TMTC2: variants seen among roughly 807,000 people sequenced by gnomAD.
TMTC2 encodes transmembrane O-mannosyltransferase targeting cadherins 2.
A neutral mutation model predicts 82.4 loss-of-function variants in TMTC2; 43 were observed. That is an observed-to-expected ratio of 0.52 (90% CI 0.41 to 0.67). TMTC2 has a LOEUF of 0.67. Ranked by LOEUF, TMTC2 falls within the 30% of genes least tolerant of loss-of-function variation. TMTC2 has a pLI of 0.00. For missense variants in TMTC2, 919 were observed against 1,012.4 expected (o/e 0.91, Z 1.25); for synonymous variants, 408 against 381.9 (o/e 1.07, Z -0.80).
At chr12:82,889,258 CAG>C (rs1873270661) in intron 2 of TMTC2, among the ~76,000 whole-genome samples, 2 of 141,988 alleles carry the variant, frequency 1.4e-5, no homozygotes, top group South Asian at 2.2e-4. Flanking sequence ...GCCTGGGAGA[CAG>C]AGTCTCCAAA....
At chr12:82,695,886 A>G (rs895299863) in intron 1 of TMTC2, among the ~76,000 whole-genome samples, 1 of 152,186 alleles carries the variant, frequency 6.6e-6, no homozygotes, top group African/African-American at 2.4e-5. Flanking sequence ...CCTCTGGGAC[A>G]TTTCTCATGG....
At chr12:82,928,395 T>C (rs1432996276) in intron 3 of TMTC2, among the ~76,000 whole-genome samples, 1 of 152,216 alleles carries the variant, frequency 6.6e-6, no homozygotes, top group Non-Finnish European at 1.5e-5. Flanking sequence ...GTGGTAGATA[T>C]AGAATACCTA....
intron 8 of TMTC2, among the ~76,000 whole-genome samples, chr12:83,001,592 G>C (rs1879925077): frequency 6.8e-6 from 1 of 146,418 alleles, no homozygotes; most frequent in African/African-American, 2.6e-5. Context: ...CCGAGATCAT[G>C]CCATTGCACT....
chr12:82,826,898 T>G (rs1411480513), intron 1 of TMTC2, among the ~76,000 whole-genome samples: 3 of 152,206 alleles, frequency 2.0e-5, no homozygotes, highest in South Asian at 4.1e-4. Flanking sequence ...CTCTGAAAAT[T>G]TACTTATTAG....
At chr12:82,789,317 G>A (rs1453920172) in intron 1 of TMTC2, among the ~76,000 whole-genome samples, 3 of 152,116 alleles carry the variant, frequency 2.0e-5, no homozygotes, top group Non-Finnish European at 4.4e-5. Flanking sequence ...GTCTAATTGT[G>A]TGTATGCTGA....
intron 7 of TMTC2, among the ~76,000 whole-genome samples, chr12:82,971,501 C>G (rs1051786568): frequency 4.0e-5 from 6 of 151,846 alleles, no homozygotes; most frequent in African/African-American, 1.2e-4. Context: ...TTAAGCATTG[C>G]TTTTGAATAA....
chr12:82,918,497 T>C (rs1033281937), intron 3 of TMTC2, among the ~76,000 whole-genome samples: 3 of 152,148 alleles, frequency 2.0e-5, no homozygotes, highest in Admixed American at 2.0e-4. Flanking sequence ...AAGACATATG[T>C]TAAATTTGTA....
At chr12:83,059,473 T>C (rs1466153718) in intron 10 of TMTC2, among the ~76,000 whole-genome samples, 1 of 151,792 alleles carries the variant, frequency 6.6e-6, no homozygotes, top group African/African-American at 2.4e-5. Flanking sequence ...TGCTGATTAG[T>C]AGTTTATAAA....
chr12:82,809,640 G>C (rs1029583277), intron 1 of TMTC2, among the ~76,000 whole-genome samples: 1 of 151,840 alleles, frequency 6.6e-6, no homozygotes, highest in African/African-American at 2.4e-5. Context: ...CAATTTTTTC[G>C]TACTATTTAC....
intron 1 of TMTC2, among the ~76,000 whole-genome samples, chr12:82,801,268 C>A (rs1878983016): frequency 6.6e-6 from 1 of 152,060 alleles, no homozygotes; most frequent in South Asian, 2.1e-4. Flanking sequence ...TTTGTTCTTT[C>A]CTCCCGGTGG....
intron 1 of TMTC2, among the ~76,000 whole-genome samples, chr12:82,735,142 C>T (rs759279357): frequency 6.6e-6 from 1 of 152,054 alleles, no homozygotes; most frequent in African/African-American, 2.4e-5. Flanking sequence ...ATGTGCCCCT[C>T]AAAACATCTA....
At chr12:82,707,072 G>T (rs1187341188) in intron 1 of TMTC2, among the ~76,000 whole-genome samples, 1 of 152,196 alleles carries the variant, frequency 6.6e-6, no homozygotes, top group Non-Finnish European at 1.5e-5. Context: ...ATATGTTTGA[G>T]CTGCTGTAAC....
chr12:82,922,415 G>C (rs1875451491), intron 3 of TMTC2, among the ~76,000 whole-genome samples: 1 of 152,032 alleles, frequency 6.6e-6, no homozygotes, highest in South Asian at 2.1e-4. Context: ...CCTTAAGTAG[G>C]ATATAGCATA....
intron 2 of TMTC2, among the ~76,000 whole-genome samples, chr12:82,874,533 T>G (rs1245169442): frequency 2.0e-5 from 3 of 152,216 alleles, no homozygotes; most frequent in African/African-American, 7.2e-5. Context: ...CCAAAGTGCT[T>G]ATGTTTTTTT....
intron 1 of TMTC2, among the ~76,000 whole-genome samples, chr12:82,821,737 G>A (rs559650952): frequency 1.2e-4 from 18 of 152,064 alleles, no homozygotes; most frequent in Admixed American, 4.6e-4. Flanking sequence ...AGCCGGGCAC[G>A]GTAACACGTG....
In TMTC2 at chr12:82,963,816, T is replaced by C. The variant is rs1283401494; in HGVS notation, c.1599-1208T>C. ...TCATATATATATATATATATATATA[T>C]ATATATATATATATATATATATATA... On this transcript the variant is annotated intron_variant, in intron 4 of 11. Coordinates refer to ENST00000321196, the MANE Select transcript of TMTC2 (RefSeq NM_152588.3). 3.7e-3 allele frequency among the ~76,000 whole-genome samples: 307 copies of C among 82,364 alleles called. 23 individuals are homozygous for C. The highest frequency in any genetic ancestry group is 0.015 in the African/African-American group (220 of 15,034). 54.0% of individuals were successfully genotyped at this position (82,364 alleles called of 152,430 possible).
intron 2 of TMTC2, among the ~76,000 whole-genome samples, chr12:82,883,324 G>A (rs199540499): frequency 1.3e-5 from 2 of 152,206 alleles, no homozygotes; most frequent in East Asian, 3.9e-4. Flanking sequence ...ACAACATTAA[G>A]CATTGAAATT....
At chr12:82,719,414 C>A (rs1041931314) in intron 1 of TMTC2, among the ~76,000 whole-genome samples, 1 of 151,910 alleles carries the variant, frequency 6.6e-6, no homozygotes, top group Non-Finnish European at 1.5e-5. Flanking sequence ...TTTTAAATAA[C>A]CCTGAATCAT....
At chr12:82,808,989 A>G (rs1879367898) in intron 1 of TMTC2, among the ~76,000 whole-genome samples, 1 of 147,538 alleles carries the variant, frequency 6.8e-6, no homozygotes. Context: ...AGGCTTCTAA[A>G]TCCATTGTTT....
Sources: allele counts gnomAD v4.1 joint callset (sites outside exome capture counted in the v4.1 genomes callset), GRCh38; gene constraint gnomAD v4.1.1; transcripts MANE v1.5; gene names NCBI Gene and HGNC (gene_info 2026-07-23, HGNC 2026-07-21).